MAPK12: variants seen among roughly 807,000 people sequenced by gnomAD.
MAPK12 encodes the protein mitogen-activated protein kinase 12.
A neutral mutation model predicts 49.1 loss-of-function variants in MAPK12; 49 were observed. That is an observed-to-expected ratio of 1.00 (90% confidence interval 0.79 to 1.27). The LOEUF is 1.27. Ranked by LOEUF, MAPK12 falls within the 50% of genes most tolerant of loss-of-function variation. The pLI is 0.00. For missense variants in MAPK12, 554 were observed against 502.4 expected (o/e 1.10, Z -0.98); for synonymous variants, 251 against 209.7 (o/e 1.20, Z -1.70).
Position 50,261,552 on chromosome 22 carries a change from T to G in MAPK12, c.-43A>C, listed in dbSNP as rs2147264577. On this transcript the variant is annotated 5_prime_UTR_variant, in exon 1 of 12. Coordinates refer to ENST00000215659, the MANE Select transcript of MAPK12 (RefSeq NM_002969.6). ...CCCACCCCGCAGAGCCTGCGGGCGGTGCCCCCACGACCGGGGACGGGGCTC... is the reference window on the plus strand; with the variant it reads ...CCCACCCCGCAGAGCCTGCGGGCGGGGCCCCCACGACCGGGGACGGGGCTC... 1 of 1,046,344 alleles carries G rather than the reference T, an allele frequency of 9.6e-7. No individual in the cohort carries two copies. The highest frequency in any genetic ancestry group is 1.2e-6 in the Non-Finnish European group (1 of 867,820). 64.8% of individuals were successfully genotyped at this position (1,046,344 alleles called of 1,614,324 possible).
chr22:50,255,347 G>C lies in MAPK12; in HGVS notation c.874C>G (p.Leu292Val), dbSNP rs1387802745. The part of the protein sequence containing the change: ...PLAVNLLEKM[L>V]VLDAEQRVTA... ...ACCCGCTGCTCCGCGTCCAGCACCA[G>C]CATCTTCTCCAGGAGGTTCACAGCT... The change falls in exon 11 of 12, where the codon CTG becomes GTG. Residue 292 changes from leucine (L) to valine (V), a missense_variant. Physicochemically the swap from Leu to Val is conservative, Grantham distance 32. Transcript: ENST00000215659. The C allele has an allele frequency of 6.2e-7, 1 of 1,613,424 alleles. No individual in the cohort carries two copies. The highest frequency in any genetic ancestry group is 1.7e-5 in the Admixed American group (1 of 60,036).
intron 3 of MAPK12, chr22:50,257,630 C>CTCCT: frequency 1.7e-6 from 1 of 571,752 alleles, no homozygotes; most frequent in Middle Eastern, 4.7e-4. Context: ...GCGATGGGGG[C>CTCCT]GCGGCAAGGC....
chr22:50,261,291 G>C lies in MAPK12; in HGVS notation c.131C>G (p.Ala44Gly). 2 of 1,477,260 alleles carry C rather than the reference G, an allele frequency of 1.4e-6. No individual in the cohort carries two copies. The highest frequency in any genetic ancestry group is 1.8e-6 in the Non-Finnish European group (2 of 1,108,262). 91.5% of individuals were successfully genotyped at this position (1,477,260 alleles called of 1,614,324 possible). A position where few individuals can be genotyped will look rare whatever the true frequency, so the allele number is the denominator to read the frequency against. ...GSGAYGAVCS[A>G]VDGRTGAKVA... ...CTTAGCGCCGGTGCGGCCGTCCACG[G>C]CCGAGCTGCGGGGCGGACCGCTTAG... The change falls in exon 2 of 12, where the codon GCC becomes GGC. Residue 44 changes from alanine to glycine, a missense_variant. By Grantham distance (60) the Ala-to-Gly change is moderately conservative. Transcript: ENST00000215659.
At chr22:50,253,639 A>G (rs2065121045) in intron 11 of MAPK12, 159 bp from the exon 12 acceptor site, 2 of 613,932 alleles carry the variant, frequency 3.3e-6, no homozygotes, top group Non-Finnish European at 5.9e-6. Context: ...TGAAGAGGCC[A>G]TTGCTCTAGA....
rs760677811 is a variant in MAPK12 at position 50,258,319 on chromosome 22, G to A, written c.256-18C>T. The A allele has an allele frequency of 1.9e-6, 3 of 1,610,924 alleles. No homozygotes were observed. The African/African-American group carries it at 4.0e-5, about 22-fold the overall frequency. ...CCGATCACCTGGGGGGGCCACATAG[G>A]GTTGAGAATGCAGCAGAGGACACGG... On this transcript the variant is annotated intron_variant, in intron 2 of 11. Coordinates refer to ENST00000215659, the MANE Select transcript of MAPK12 (RefSeq NM_002969.6).
At chr22:50,254,635 G>A in intron 11 of MAPK12, 1 of 1,007,520 alleles carries the variant, frequency 9.9e-7, no homozygotes, top group Middle Eastern at 5.0e-4. Flanking sequence ...CTGGGCATCA[G>A]AGTGAGACTC....
rs1454842467 is a variant in MAPK12, at chr22:50,255,650, G to A, written c.736C>T (p.Pro246Ser). The change falls in exon 9 of 12, where the codon CCG becomes TCG. Residue 246 changes from proline to serine, a missense_variant. Physicochemically the swap from Pro to Ser is moderately conservative, Grantham distance 74. Transcript: ENST00000215659. The stretch of plus-strand genomic sequence containing the variant: ...TGCAGCCGCTGCACAAACTCAGCCG[G>A]AGGCGTCCCCGTCACCTTCATGATC... ...KEIMKVTGTP[P>S]AEFVQRLQSD... is the part of the protein sequence containing the mutation. 1.3e-6 allele frequency: 2 copies of A among 1,575,508 alleles called. No individual in the cohort carries two copies. The highest frequency in any genetic ancestry group is 1.7e-5 in the Admixed American group (1 of 58,500).
intron 2 of MAPK12, among the ~76,000 whole-genome samples, chr22:50,259,131 G>A (rs1012024140): frequency 2.6e-5 from 4 of 152,188 alleles, no homozygotes; most frequent in African/African-American, 9.7e-5. Context: ...CGTGGTGTAG[G>A]AACCGGCCAG....
At chr22:50,260,563 A>T (rs2065201234) in intron 2 of MAPK12, among the ~76,000 whole-genome samples, 1 of 152,126 alleles carries the variant, frequency 6.6e-6, no homozygotes, top group South Asian at 2.1e-4. Context: ...GGCCCCCACA[A>T]CGCACAGGAG....
At chr22:50,258,020 G>C in intron 3 of MAPK12, 2 of 731,824 alleles carry the variant, frequency 2.7e-6, no homozygotes, top group Non-Finnish European at 5.1e-6. Flanking sequence ...CGTGGAGAGA[G>C]GCAGCAGCCC....
chr22:50,261,553 GCCCCCACGA>G lies in MAPK12; in HGVS notation c.-53_-45del. 9.5e-7 allele frequency: 1 copy of G among 1,056,714 alleles called. No individual in the cohort carries two copies. Among genetic ancestry groups the G allele is most frequent in the Non-Finnish European group, 1.1e-6 (1 of 873,316 alleles). 65.5% of individuals were successfully genotyped at this position (1,056,714 alleles called of 1,614,324 possible). A position where few individuals can be genotyped will look rare whatever the true frequency, so the allele number is the denominator to read the frequency against. On this transcript the variant is annotated 5_prime_UTR_variant, in exon 1 of 12. Transcript: ENST00000215659. ...CCACCCCGCAGAGCCTGCGGGCGGTGCCCCCACGACCGGGGACGGGGCTCCCTCGGCGCG... is the reference window on the plus strand; with the variant it reads ...CCACCCCGCAGAGCCTGCGGGCGGTGCCGGGGACGGGGCTCCCTCGGCGCG...
intron 3 of MAPK12, chr22:50,257,904 C>G: frequency 1.3e-6 from 1 of 772,774 alleles, no homozygotes; most frequent in Non-Finnish European, 2.4e-6. Context: ...CTCCAGTTAC[C>G]GGCCACACAC....
At chr22:50,255,578 G>GGGCCCCCCCCCCCCCCCCCCCCCCCCCC in intron 9 of MAPK12, 37 bp downstream of exon 9, 1 of 1,581,998 alleles carries the variant, frequency 6.3e-7, no homozygotes, top group Non-Finnish European at 8.7e-7. Context: ...GCCCAGGTCC[G>GGGCCCCCCCCCCCCCCCCCCCCCCCCCC]CCCCCACCCC....
In MAPK12 at chr22:50,257,865, C is replaced by G. The variant is rs150119714; in HGVS notation, c.314+378G>C. 2.5e-3 allele frequency: 1,851 copies of G among 754,524 alleles called. 33 individuals are homozygous for G. In the African/African-American group the frequency reaches 0.028, roughly 11 times the overall value. The allele number at this position is 754,524 out of a possible 1,614,324, so 46.7% of individuals were successfully genotyped here. On this transcript the variant is annotated intron_variant, in intron 3 of 11. Transcript: ENST00000215659. ...GCAGGGTGGGTCCTCCCTACCGCTT[C>G]TCCCCCACCCGCTGGAAAAGGTCAG...
Position 50,253,498 on chromosome 22 carries a change from G to GGGGGGC in MAPK12, c.1025-19_1025-18insGCCCCC. 2.1e-6 allele frequency: 1 copy of GGGGGGC among 466,306 alleles called. No individual in the cohort carries two copies. Among genetic ancestry groups the GGGGGGC allele is most frequent in the Admixed American group, 2.6e-5 (1 of 38,874 alleles). The allele number at this position is 466,306 out of a possible 1,614,324, so 28.9% of individuals were successfully genotyped here. ...AGTAACACCTGGCGGGGGTGGGGGG[G>GGGGGGC]CGGGCACAACAGAGAGGGGGGTCAG... On this transcript the variant is annotated intron_variant, in intron 11 of 11. Transcript: ENST00000215659.
At chr22:50,258,691 A>G (rs1468468345) in intron 2 of MAPK12, among the ~76,000 whole-genome samples, 1 of 152,262 alleles carries the variant, frequency 6.6e-6, no homozygotes, top group African/African-American at 2.4e-5. Flanking sequence ...GAAAGAGGCC[A>G]GGCCTCTGCT....
At chr22:50,257,914 C>A in intron 3 of MAPK12, 1 of 774,378 alleles carries the variant, frequency 1.3e-6, no homozygotes, top group South Asian at 1.4e-5. Context: ...CGGCCACACA[C>A]TTGGTGCCAG....
chr22:50,261,502 G>A lies in MAPK12; in HGVS notation c.8C>T (p.Ser3Phe), dbSNP rs1159855321. 3 of 1,239,342 alleles carry A rather than the reference G, an allele frequency of 2.4e-6. No individual in the cohort carries two copies. The highest frequency in any genetic ancestry group is 3.2e-5 in the African/African-American group (2 of 62,412). 76.8% of individuals were successfully genotyped at this position (1,239,342 alleles called of 1,614,324 possible). A position where few individuals can be genotyped will look rare whatever the true frequency, so the allele number is the denominator to read the frequency against. ...AAAGCCACTGCGGGCGGGCGGCGGA[G>A]AGCTCATGGCAGGCCCGGGAGCTGC... is the stretch of plus-strand genomic sequence containing the variant. MS[S>F]PPPARSGFYR... The change falls in exon 1 of 12, where the codon TCT becomes TTT. Residue 3 changes from serine (S) to phenylalanine (F), a missense_variant. Transcript: ENST00000215659.
At chr22:50,255,120 C>T (rs1157412399) in intron 11 of MAPK12, 77 bp downstream of exon 11, 1 of 1,514,826 alleles carries the variant, frequency 6.6e-7, no homozygotes, top group South Asian at 1.3e-5. Flanking sequence ...GAGCCCCCAA[C>T]TCACAGGTCC....
Sources: gnomAD v4.1 joint callset for allele counts (sites outside exome capture counted in the v4.1 genomes callset) on GRCh38, gnomAD v4.1.1 for gene constraint, MANE v1.5 for transcripts, NCBI Gene and HGNC (gene_info 2026-07-23, HGNC 2026-07-21) for gene names.